The following FBXO4 variants were observed in gnomAD, a reference collection of about 807,000 sequenced individuals.
FBXO4 encodes the protein F-box only protein 4.
Under a neutral mutation model 43.7 loss-of-function variants are expected in FBXO4, and 36 were observed. The observed-to-expected ratio is 0.82, with a 90% CI of 0.63 to 1.09. The LOEUF (loss-of-function observed/expected upper bound fraction) is 1.09. FBXO4 is among the 50% of genes least tolerant of loss of function. FBXO4 has a pLI of 0.00. For synonymous variants in FBXO4, 180 were observed against 165.6 expected (o/e 1.09, Z -0.67); for missense variants, 435 against 474.1 (o/e 0.92, Z 0.77).
At chr5:41,970,985 C>G in the FBXO4 span, among the ~76,000 whole-genome samples, 2 of 151,836 alleles carry the variant, frequency 1.3e-5, no homozygotes, top group African/African-American at 4.8e-5. Context: ...AGAAATTTAA[C>G]AAATATAAAA....
At chr5:41,956,657 T>G in the FBXO4 span, among the ~76,000 whole-genome samples, 1 of 151,964 alleles carries the variant, frequency 6.6e-6, no homozygotes, top group South Asian at 2.1e-4. Flanking sequence ...ATTTTTTTTC[T>G]GATAAGAAGT....
the FBXO4 span, among the ~76,000 whole-genome samples, chr5:41,997,803 A>AC: frequency 1.3e-5 from 2 of 152,140 alleles, no homozygotes; most frequent in Admixed American, 1.3e-4. Flanking sequence ...TGGGAGGTCT[A>AC]CTTGGGGAAG....
At chr5:41,997,560 C>T in the FBXO4 span, among the ~76,000 whole-genome samples, 3 of 152,134 alleles carry the variant, frequency 2.0e-5, no homozygotes, top group Non-Finnish European at 4.4e-5. Context: ...CATTCTGGCA[C>T]TGGGGTAAAA....
At chr5:41,943,432 A>G (rs1472615119), downstream of FBXO4, among the ~76,000 whole-genome samples, 1 of 152,142 alleles carries the variant, frequency 6.6e-6, no homozygotes, top group East Asian at 1.9e-4. Context: ...TCTCATGTAC[A>G]AAATGAGAAC....
At chr5:41,982,556 C>T in the FBXO4 span, among the ~76,000 whole-genome samples, 17,321 of 151,778 alleles carry the variant, frequency 0.11, 1,645 homozygotes, top group African/African-American at 0.26. Context: ...CCTTTGCTCA[C>T]TTTTCTATTG....
chr5:41,959,508 T>C, the FBXO4 span, among the ~76,000 whole-genome samples: 2 of 152,162 alleles, frequency 1.3e-5, no homozygotes, highest in Non-Finnish European at 2.9e-5. Context: ...AGTAGTGTTA[T>C]AGTTTTTGGT....
chr5:41,999,508 T>TAC, the FBXO4 span, among the ~76,000 whole-genome samples: 2 of 57,028 alleles, frequency 3.5e-5, no homozygotes, highest in African/African-American at 3.0e-4. Flanking sequence ...TATATATGTG[T>TAC]ATATATATAT....
chr5:41,930,670 CTT>C (rs555192662), intron 3 of FBXO4, among the ~76,000 whole-genome samples: 16 of 141,704 alleles, frequency 1.1e-4, no homozygotes, highest in Non-Finnish European at 1.1e-4. Flanking sequence ...TTCTTTCTTT[CTT>C]TTTTTTTTTT....
downstream of FBXO4, among the ~76,000 whole-genome samples, chr5:41,943,920 TAGAC>T (rs1752039852): frequency 6.6e-6 from 1 of 152,132 alleles, no homozygotes; most frequent in Non-Finnish European, 1.5e-5. Context: ...GGGATGTTTA[TAGAC>T]AGACAAAAGA....
the FBXO4 span, among the ~76,000 whole-genome samples, chr5:41,947,664 G>T: frequency 6.6e-6 from 1 of 152,168 alleles, no homozygotes; most frequent in Non-Finnish European, 1.5e-5. Context: ...CAGGAAATTG[G>T]GAGAACATGG....
At chr5:41,967,275 G>C in the FBXO4 span, 1 of 465,060 alleles carries the variant, frequency 2.2e-6, no homozygotes, top group Admixed American at 2.8e-5. Context: ...AGAAACTGGA[G>C]TGATATAACT....
chr5:42,014,520 A>C, the FBXO4 span, among the ~76,000 whole-genome samples: 1 of 152,162 alleles, frequency 6.6e-6, no homozygotes, highest in East Asian at 1.9e-4. Context: ...GACAGGTTTG[A>C]CTTTAAATCC....
chr5:42,009,068 T>C, the FBXO4 span, among the ~76,000 whole-genome samples: 2 of 152,152 alleles, frequency 1.3e-5, no homozygotes, highest in East Asian at 1.9e-4. Context: ...CGCTAGACTT[T>C]CAATAGGTAA....
the FBXO4 span, among the ~76,000 whole-genome samples, chr5:42,010,054 A>T: frequency 6.6e-6 from 1 of 152,188 alleles, no homozygotes; most frequent in Non-Finnish European, 1.5e-5. Flanking sequence ...GTTTTATTTC[A>T]CTTAGCATAA....
the FBXO4 span, among the ~76,000 whole-genome samples, chr5:42,039,421 G>T: frequency 2.0e-5 from 3 of 152,072 alleles, no homozygotes; most frequent in African/African-American, 7.2e-5. Context: ...GTGCATTGCT[G>T]CTCCAATCAC....
the FBXO4 span, among the ~76,000 whole-genome samples, chr5:41,950,575 G>A: frequency 2.0e-5 from 3 of 152,220 alleles, no homozygotes; most frequent in Non-Finnish European, 2.9e-5. Flanking sequence ...AGATTCTAGA[G>A]AGGATGTGGA....
chr5:42,039,906 G>T, the FBXO4 span, among the ~76,000 whole-genome samples: 1 of 152,002 alleles, frequency 6.6e-6, no homozygotes, highest in Non-Finnish European at 1.5e-5. Flanking sequence ...CTTTTCTTCT[G>T]GCTGTGTAGA....
the FBXO4 span, among the ~76,000 whole-genome samples, chr5:41,997,709 G>A: frequency 6.6e-6 from 1 of 152,156 alleles, no homozygotes; most frequent in East Asian, 1.9e-4. Context: ...TGGAATGAAT[G>A]TCAGCTCAGA....
the FBXO4 span, among the ~76,000 whole-genome samples, chr5:41,947,278 C>G: frequency 6.6e-6 from 1 of 152,136 alleles, no homozygotes; most frequent in African/African-American, 2.4e-5. Flanking sequence ...GATAAAATCA[C>G]CTACCTGTCA....
Sources: gnomAD v4.1 joint callset for allele counts (sites outside exome capture counted in the v4.1 genomes callset) on GRCh38, gnomAD v4.1.1 for gene constraint, MANE v1.5 for transcripts, NCBI Gene and HGNC (gene_info 2026-07-23, HGNC 2026-07-21) for gene names.